The following DCBLD1 variants were observed in gnomAD, a reference collection of about 807,000 sequenced individuals.
DCBLD1 encodes the protein discoidin, CUB and LCCL domain containing 1.
DCBLD1 carries 57 observed loss-of-function variants against 71.5 expected under a neutral mutation model. The observed-to-expected ratio is 0.80, with a 90% CI of 0.64 to 0.99. The LOEUF (loss-of-function observed/expected upper bound fraction) is 0.99. DCBLD1 is among the 50% of genes least tolerant of loss of function. DCBLD1 has a pLI of 0.00. For synonymous variants in DCBLD1, 380 were observed against 363.8 expected, an observed-to-expected ratio of 1.04 and a Z score of -0.51; for missense variants, 891 against 923.5, an observed-to-expected ratio of 0.96 and a Z score of 0.46.
chr6:117,547,861 GC>G, intron 14 of DCBLD1, 45 bp from the exon 15 acceptor site: 1 of 1,550,116 alleles, frequency 6.5e-7, no homozygotes, highest in Non-Finnish European at 8.7e-7. Flanking sequence ...TGACAGGCCG[GC>G]CCGTGTGTGG....
chr6:117,542,915 CTGGGGGAGAAATT>C (rs1332836159), intron 11 of DCBLD1, among the ~76,000 whole-genome samples, 196 bp from the exon 12 acceptor site: 1 of 152,068 alleles, frequency 6.6e-6, no homozygotes, highest in African/African-American at 2.4e-5. Context: ...CTCTGGGGGG[CTGGGGGAGAAATT>C]TTACTTTCCC....
chr6:117,497,580 G>T lies in DCBLD1; in HGVS notation c.113-6187G>T, dbSNP rs79202926. Among the ~76,000 whole-genome samples the T allele has an allele frequency of 9.9e-3, 1,512 of 152,256 alleles. 24 individuals are homozygous for T. The highest frequency in any genetic ancestry group is 0.035 in the African/African-American group (1,446 of 41,540). On this transcript the variant is annotated intron_variant, in intron 1 of 14. Coordinates refer to ENST00000338728, the MANE Select transcript of DCBLD1 (RefSeq NM_001366458.2). Reference sequence around the variant, plus strand: ...GTAGAGACCTATCCATTAATTTCAGGCATTTGGAGAATAGATACTGAGTCC... The same window carrying T: ...GTAGAGACCTATCCATTAATTTCAGTCATTTGGAGAATAGATACTGAGTCC...
At chr6:117,510,998 CA>C in intron 2 of DCBLD1, among the ~76,000 whole-genome samples, 2 of 152,150 alleles carry the variant, frequency 1.3e-5, no homozygotes, top group Non-Finnish European at 2.9e-5. Context: ...AACTGAAGCT[CA>C]AAGAAGGCCA....
At chr6:117,537,662 CTTTTTTTTTTTTTTTTTTT>C (rs68032011) in intron 7 of DCBLD1, among the ~76,000 whole-genome samples, 1 of 46,880 alleles carries the variant, frequency 2.1e-5, no homozygotes, top group Non-Finnish European at 3.7e-5. Context: ...TACATAGCAC[CTTTTTTTTTTTTTTTTTTT>C]TTTTTTTTTA....
At chr6:117,544,674 T>A (rs1216804654) in intron 13 of DCBLD1, 97 bp downstream of exon 13, 12 of 1,387,530 alleles carry the variant, frequency 8.6e-6, no homozygotes, top group Non-Finnish European at 1.2e-5. Context: ...CCACATTTAT[T>A]TGGTTAAAAG....
intron 1 of DCBLD1, among the ~76,000 whole-genome samples, chr6:117,484,029 T>G (rs1776999764): frequency 6.6e-6 from 1 of 152,248 alleles, no homozygotes; most frequent in Non-Finnish European, 1.5e-5. Flanking sequence ...TGTCTGGTAC[T>G]GTAGCACAAT....
chr6:117,490,349 A>G (rs934665451), intron 1 of DCBLD1, among the ~76,000 whole-genome samples: 3 of 152,126 alleles, frequency 2.0e-5, no homozygotes, highest in Admixed American at 2.0e-4. Context: ...TTCCATATTT[A>G]TATTTATTTT....
At chr6:117,551,523 G>T (rs1779427682), downstream of DCBLD1, among the ~76,000 whole-genome samples, 2 of 152,048 alleles carry the variant, frequency 1.3e-5, no homozygotes, top group African/African-American at 4.8e-5. Context: ...AGGACTACAG[G>T]CGCCCACCAC....
rs763269215 is a variant in DCBLD1, at chr6:117,540,671, T to C, written c.1105T>C (p.Phe369Leu). Residue 369 changes from phenylalanine to leucine, a missense_variant, in exon 10 of 15, where the codon TTT becomes CTT. Coordinates refer to ENST00000338728, the MANE Select transcript of DCBLD1 (RefSeq NM_001366458.2). ...TAAACATAATTTCCTTCTATAGGTG[T>C]TTCAGGGTAACTCTAACTTTCGGGA... is the stretch of plus-strand genomic sequence containing the variant. ...KGIVNNEEKV[F>L]QGNSNFRDPV... 6.2e-7 allele frequency: 1 copy of C among 1,614,138 alleles called. No individual in the cohort carries two copies. The highest frequency in any genetic ancestry group is 2.2e-5 in the East Asian group (1 of 44,882).
chr6:117,503,414 TACATGACATTTGG>T (rs1282410673), intron 1 of DCBLD1: 1 of 247,750 alleles, frequency 4.0e-6, no homozygotes, highest in African/African-American at 2.3e-5. Context: ...TGTGAATTAT[TACATGACATTTGG>T]CTTGGCAAAT....
intron 1 of DCBLD1, among the ~76,000 whole-genome samples, chr6:117,496,563 A>G (rs1368375539): frequency 1.3e-5 from 2 of 152,248 alleles, no homozygotes; most frequent in Non-Finnish European, 2.9e-5. Context: ...GTAGTCATCA[A>G]GAGCTCACTT....
chr6:117,534,693 C>A (rs1419220075), intron 6 of DCBLD1, among the ~76,000 whole-genome samples: 1 of 151,604 alleles, frequency 6.6e-6, no homozygotes, highest in Non-Finnish European at 1.5e-5. Flanking sequence ...TTAGACTTTA[C>A]GTTCTCAGTT....
At chr6:117,515,523 C>G (rs1778165548) in intron 2 of DCBLD1, among the ~76,000 whole-genome samples, 1 of 152,202 alleles carries the variant, frequency 6.6e-6, no homozygotes, top group Non-Finnish European at 1.5e-5. Flanking sequence ...AGTGTCTTCA[C>G]CCCTCTTATC....
Position 117,544,512 on chromosome 6 carries a change from C to G in DCBLD1, c.1446-16C>G. On this transcript the variant is annotated splice_polypyrimidine_tract_variant and intron_variant, in intron 12 of 14. Transcript: ENST00000338728. ...ATTGGCTTATAAATATTCAGTAGGA[C>G]TTTTTGTCTTGATAGGAAGAAGAAG... The G allele has an allele frequency of 6.2e-7, 1 of 1,613,302 alleles. No homozygotes were observed. Among genetic ancestry groups the G allele is most frequent in the Non-Finnish European group, 8.5e-7 (1 of 1,179,766 alleles).
At chr6:117,534,693 C>T (rs1419220075) in intron 6 of DCBLD1, among the ~76,000 whole-genome samples, 3 of 151,604 alleles carry the variant, frequency 2.0e-5, no homozygotes, top group Non-Finnish European at 2.9e-5. Flanking sequence ...TTAGACTTTA[C>T]GTTCTCAGTT....
intron 14 of DCBLD1, chr6:117,561,498 C>G (rs769142368): frequency 3.9e-4 from 85 of 216,792 alleles, no homozygotes; most frequent in Middle Eastern, 2.9e-3. Context: ...TAAATAAATA[C>G]GGTGGCTAAA....
Position 117,538,824 on chromosome 6 carries a change from A to G in DCBLD1, c.965A>G (p.Lys322Arg). ...EWLEIDLGEK[K>R]KITGIRTTGS... The stretch of plus-strand genomic sequence containing the variant: ...CTGGAGATCGATTTGGGGGAGAAAA[A>G]GAAAATAACAGGTGCAGAAAATAAC... The change falls in exon 8 of 15, where the codon AAG becomes AGG. Residue 322 changes from lysine to arginine, a missense_variant. Transcript: ENST00000338728. The G allele has an allele frequency of 6.2e-7, 1 of 1,612,156 alleles. No individual in the cohort carries two copies. Among genetic ancestry groups the G allele is most frequent in the South Asian group, 1.1e-5 (1 of 90,776 alleles).
intron 1 of DCBLD1, among the ~76,000 whole-genome samples, chr6:117,492,542 C>G (rs773182441): frequency 2.5e-4 from 38 of 152,126 alleles, no homozygotes; most frequent in Non-Finnish European, 4.9e-4. Context: ...TGCAATTAAG[C>G]CTGAAATTCA....
downstream of DCBLD1, chr6:117,549,800 GC>G: frequency 1.0e-6 from 1 of 985,352 alleles, no homozygotes; most frequent in Non-Finnish European, 1.2e-6. Context: ...AAACCAAACT[GC>G]CCCTGACTCT....
Sources: allele counts gnomAD v4.1 joint callset (sites outside exome capture counted in the v4.1 genomes callset), GRCh38; gene constraint gnomAD v4.1.1; transcripts MANE v1.5; gene names NCBI Gene and HGNC (gene_info 2026-07-23, HGNC 2026-07-21).